Variants in RFX7 observed in about 807,000 individuals in gnomAD.
RFX7 encodes regulatory factor X7.
RFX7 carries 26 observed loss-of-function variants against 111.8 expected under a neutral mutation model. The observed-to-expected ratio is 0.23, with a 90% confidence interval of 0.17 to 0.32. The LOEUF is 0.32. Ranked by LOEUF, RFX7 falls within the 10% of genes least tolerant of loss-of-function variation. RFX7 has a pLI of 1.00. For synonymous variants in RFX7, 624 were observed against 624.4 expected, an observed-to-expected ratio of 1.00 and a Z score of 0.01; for missense variants, 1,573 against 1,772.9, an observed-to-expected ratio of 0.89 and a Z score of 2.02.
At chr15:56,097,746 CAAAAAAAA>C (rs67718449) in intron 9 of RFX7, among the ~76,000 whole-genome samples, 48 of 47,326 alleles carry the variant, frequency 1.0e-3, no homozygotes, top group African/African-American at 3.0e-3. Context: ...GACTCTGTCT[CAAAAAAAA>C]AAAAAAAAAA....
chr15:56,238,909 C>T (rs753812111), intron 2 of RFX7, among the ~76,000 whole-genome samples: 1 of 152,190 alleles, frequency 6.6e-6, no homozygotes, highest in African/African-American at 2.4e-5. Context: ...TCTCGGCTCA[C>T]TGCAACCTCC....
intron 2 of RFX7, among the ~76,000 whole-genome samples, chr15:56,218,362 C>T (rs1242774657): frequency 1.3e-5 from 2 of 151,982 alleles, no homozygotes; most frequent in East Asian, 3.9e-4. Context: ...GAACTCCTGA[C>T]CTCAGGTGAT....
intron 2 of RFX7, among the ~76,000 whole-genome samples, chr15:56,222,453 G>T (rs747287119): frequency 5.3e-5 from 8 of 151,890 alleles, no homozygotes; most frequent in Non-Finnish European, 8.8e-5. Context: ...TTATTTTTCT[G>T]CTCCAGTATC....
intron 5 of RFX7, among the ~76,000 whole-genome samples, chr15:56,110,252 G>A (rs1177808835): frequency 1.5e-4 from 14 of 90,680 alleles, no homozygotes; most frequent in Admixed American, 2.3e-4. Context: ...CAGCCGCCCC[G>A]TCCGGGAGGG....
At chr15:56,125,844 A>C (rs1465909568) in intron 5 of RFX7, among the ~76,000 whole-genome samples, 2 of 152,192 alleles carry the variant, frequency 1.3e-5, no homozygotes, top group Non-Finnish European at 2.9e-5. Context: ...ATTTATATAC[A>C]TATAGCTACT....
At chr15:56,197,213 T>C (rs1415873822) in intron 2 of RFX7, among the ~76,000 whole-genome samples, 4 of 152,192 alleles carry the variant, frequency 2.6e-5, no homozygotes, top group African/African-American at 9.7e-5. Context: ...TTTTTCTGCA[T>C]GGTGGTTTTT....
chr15:56,222,179 G>C (rs116470687), intron 2 of RFX7, among the ~76,000 whole-genome samples: 126 of 152,200 alleles, frequency 8.3e-4, no homozygotes, highest in African/African-American at 3.0e-3. Context: ...GCACTTAAAA[G>C]GTTCCATTGT....
chr15:56,223,035 C>G (rs1352423460), intron 2 of RFX7, among the ~76,000 whole-genome samples: 1 of 152,132 alleles, frequency 6.6e-6, no homozygotes, highest in African/African-American at 2.4e-5. Context: ...TAAAGTAGCC[C>G]TAGTCTTTAT....
Position 56,144,413 on chromosome 15 carries a change from T to C in RFX7, c.266A>G (p.Asn89Ser), listed in dbSNP as rs374963109. ...AGAATAGATATACCTTTTCTCTCCA[T>C]TGCTGAGACCAGAAGGCAGCTGAAG... is the stretch of plus-strand genomic sequence containing the variant. The part of the protein sequence containing the change: ...LYLQLPSGLS[N>S]GEKSDQNAMS... Residue 89 changes from asparagine to serine, a missense_variant, in exon 4 of 10, where the codon AAT becomes AGT. Physicochemically the swap from Asn to Ser is conservative, Grantham distance 46. Transcript: ENST00000559447. The C allele has an allele frequency of 2.9e-5, 39 of 1,362,362 alleles. No individual in the cohort carries two copies. The highest frequency in any genetic ancestry group is 3.8e-5 in the Admixed American group (2 of 52,554). 84.4% of individuals were successfully genotyped at this position (1,362,362 alleles called of 1,614,324 possible). A position where few individuals can be genotyped will look rare whatever the true frequency, so the allele number is the denominator to read the frequency against.
intron 2 of RFX7, chr15:56,192,544 A>C (rs1238870273): frequency 1.2e-5 from 2 of 161,092 alleles, no homozygotes; most frequent in African/African-American, 4.8e-5. Flanking sequence ...CTGGCTCCTA[A>C]CTACATAGCA....
chr15:56,205,721 T>C (rs112545630), intron 2 of RFX7, among the ~76,000 whole-genome samples: 2 of 152,118 alleles, frequency 1.3e-5, no homozygotes, highest in African/African-American at 4.8e-5. Context: ...GAAACATATA[T>C]TAGTGAAGCA....
intron 2 of RFX7, among the ~76,000 whole-genome samples, chr15:56,203,769 T>C (rs934319624): frequency 2.6e-5 from 4 of 152,192 alleles, no homozygotes; most frequent in Non-Finnish European, 4.4e-5. Flanking sequence ...AGTTACCCTA[T>C]ATGGTCTAAA....
In RFX7 at chr15:56,104,030, T is replaced by A. The variant is rs78508162; in HGVS notation, c.402-360A>T. On this transcript the variant is annotated intron_variant, in intron 5 of 9. Coordinates refer to ENST00000559447, the MANE Select transcript of RFX7 (RefSeq NM_022841.7). The stretch of plus-strand genomic sequence containing the variant: ...TATGTATCAGGCTCACATACTGGGA[T>A]AATTTCCAATATACATATCATGCAC... Among the ~76,000 whole-genome samples, 251 of 152,324 alleles carry A rather than the reference T, an allele frequency of 1.6e-3. 4 individuals are homozygous for A. The East Asian group carries it at 0.029, about 18-fold the overall frequency.
chr15:56,099,137 A>G (rs1490339733), intron 8 of RFX7, among the ~76,000 whole-genome samples: 1 of 152,198 alleles, frequency 6.6e-6, no homozygotes, highest in Non-Finnish European at 1.5e-5. Flanking sequence ...AGCTCATTTC[A>G]GATTTAGGGC....
At chr15:56,158,573 C>A (rs1427695329) in intron 3 of RFX7, among the ~76,000 whole-genome samples, 1 of 152,148 alleles carries the variant, frequency 6.6e-6, no homozygotes, top group Non-Finnish European at 1.5e-5. Flanking sequence ...TCACAAATCA[C>A]TGCAGCCTCA....
At position 56,093,233 on chromosome 15, in the gene RFX7, G is replaced by T; in HGVS notation, c.*112C>A. 1 of 980,882 alleles carries T rather than the reference G, an allele frequency of 1.0e-6. No homozygotes were observed. The highest frequency in any genetic ancestry group is 1.5e-6 in the Non-Finnish European group (1 of 688,608). 60.8% of individuals were successfully genotyped at this position (980,882 alleles called of 1,614,324 possible). A position where few individuals can be genotyped will look rare whatever the true frequency, so the allele number is the denominator to read the frequency against. ...TGAAGAAACCACTTCTGCAGCAAAC[G>T]CTTTTAAAATGTCACAATTAATAGT... On this transcript the variant is annotated 3_prime_UTR_variant, in exon 10 of 10. Coordinates refer to ENST00000559447, the MANE Select transcript of RFX7 (RefSeq NM_022841.7).
chr15:56,190,278 G>T (rs190646737), intron 2 of RFX7, among the ~76,000 whole-genome samples: 2 of 152,160 alleles, frequency 1.3e-5, no homozygotes, highest in Non-Finnish European at 1.5e-5. Context: ...TCCACTGCTG[G>T]GAGTGCAGTG....
chr15:56,147,813 T>G (rs1289620221), intron 3 of RFX7, among the ~76,000 whole-genome samples: 1 of 152,220 alleles, frequency 6.6e-6, no homozygotes, highest in Non-Finnish European at 1.5e-5. Context: ...GACCTCATGA[T>G]CCGCCTGCCT....
At chr15:56,225,347 C>T (rs533241968) in intron 2 of RFX7, among the ~76,000 whole-genome samples, 42 of 152,270 alleles carry the variant, frequency 2.8e-4, no homozygotes, top group Non-Finnish European at 5.1e-4. Flanking sequence ...TGCTGGGTTT[C>T]AGTTACAGTC....
Sources: allele counts gnomAD v4.1 joint callset (sites outside exome capture counted in the v4.1 genomes callset), GRCh38; gene constraint gnomAD v4.1.1; transcripts MANE v1.5; gene names NCBI Gene and HGNC (gene_info 2026-07-23, HGNC 2026-07-21).